TSPAN15: variants seen among roughly 807,000 people sequenced by gnomAD.
TSPAN15 encodes tetraspanin-15.
TSPAN15 carries 20 observed loss-of-function variants against 34.5 expected under a neutral mutation model. The ratio of observed to expected loss-of-function variants is 0.58; its 90% CI spans 0.41 to 0.84. The LOEUF (loss-of-function observed/expected upper bound fraction) is 0.84. Among genes scored for constraint, TSPAN15 ranks in the 40% least tolerant of loss-of-function variants. TSPAN15 has a pLI of 0.00. For synonymous variants in TSPAN15, 155 were observed against 153.9 expected (o/e 1.01, Z -0.05); for missense variants, 313 against 386.1 (o/e 0.81, Z 1.59).
At chr10:69,453,558 T>C (rs1841021072) in intron 1 of TSPAN15, among the ~76,000 whole-genome samples, 1 of 152,204 alleles carries the variant, frequency 6.6e-6, no homozygotes, top group African/African-American at 2.4e-5. Flanking sequence ...AACCAGTCTC[T>C]CTACCTCCTC....
chr10:69,522,265 G>A, the TSPAN15 span, among the ~76,000 whole-genome samples: 1 of 144,430 alleles, frequency 6.9e-6, no homozygotes, highest in Non-Finnish European at 1.5e-5. Context: ...GGAGGCTGAG[G>A]TAGGAGGATC....
intron 5 of TSPAN15, among the ~76,000 whole-genome samples, chr10:69,503,703 A>T (rs941847368): frequency 6.6e-6 from 1 of 151,734 alleles, no homozygotes; most frequent in South Asian, 2.1e-4. Flanking sequence ...GCTGGGGGGG[A>T]CGGTCATGGG....
the TSPAN15 span, among the ~76,000 whole-genome samples, chr10:69,548,150 G>T: frequency 6.6e-6 from 1 of 152,068 alleles, no homozygotes; most frequent in Non-Finnish European, 1.5e-5. Flanking sequence ...TAATCAGAAA[G>T]GGGGGAAAGG....
chr10:69,470,988 C>T (rs1282150963), intron 1 of TSPAN15, among the ~76,000 whole-genome samples: 1 of 152,196 alleles, frequency 6.6e-6, no homozygotes, highest in African/African-American at 2.4e-5. Flanking sequence ...CCCTCCTCTA[C>T]TCCAAGTCTT....
At chr10:69,469,623 A>C (rs2133084603) in intron 1 of TSPAN15, among the ~76,000 whole-genome samples, 1 of 152,324 alleles carries the variant, frequency 6.6e-6, no homozygotes, top group East Asian at 1.9e-4. Flanking sequence ...TTGGTGCAAA[A>C]GTAATTGCAG....
At chr10:69,515,029 A>G in the TSPAN15 span, among the ~76,000 whole-genome samples, 1 of 151,970 alleles carries the variant, frequency 6.6e-6, no homozygotes, top group African/African-American at 2.4e-5. Context: ...ATCACCAGTG[A>G]CCCCTGCATT....
chr10:69,458,281 G>A (rs1159162784), intron 1 of TSPAN15, among the ~76,000 whole-genome samples: 2 of 152,108 alleles, frequency 1.3e-5, no homozygotes, highest in Non-Finnish European at 2.9e-5. Flanking sequence ...TTCGAGAAGA[G>A]CTTTATTATT....
chr10:69,499,114 A>G (rs1285321720), intron 5 of TSPAN15, among the ~76,000 whole-genome samples: 1 of 152,228 alleles, frequency 6.6e-6, no homozygotes, highest in Non-Finnish European at 1.5e-5. Flanking sequence ...TCAGCGCTTA[A>G]GTGAAAGGCT....
chr10:69,514,543 A>G, the TSPAN15 span, among the ~76,000 whole-genome samples: 1 of 152,230 alleles, frequency 6.6e-6, no homozygotes, highest in Admixed American at 6.5e-5. Flanking sequence ...ATATAAGACT[A>G]CTTATTTCTT....
the TSPAN15 span, among the ~76,000 whole-genome samples, chr10:69,540,568 G>C: frequency 3.3e-5 from 5 of 152,312 alleles, no homozygotes; most frequent in African/African-American, 9.6e-5. Context: ...TGGGAGGGTT[G>C]AATGTGGCAA....
At chr10:69,465,453 A>T (rs983330471) in intron 1 of TSPAN15, among the ~76,000 whole-genome samples, 63 of 151,778 alleles carry the variant, frequency 4.2e-4, no homozygotes, top group Non-Finnish European at 1.5e-5. Flanking sequence ...ATTCCCCCAC[A>T]CTCTGTCTAG....
intron 6 of TSPAN15, among the ~76,000 whole-genome samples, chr10:69,504,756 C>T (rs1389899436): frequency 6.6e-6 from 1 of 152,184 alleles, no homozygotes; most frequent in African/African-American, 2.4e-5. Flanking sequence ...ACGGCGCTTC[C>T]TGGTACCCGC....
At position 69,485,234 on chromosome 10, in the gene TSPAN15, G is replaced by GT. The variant is rs1248292306; in HGVS notation, c.357+20dup. The stretch of plus-strand genomic sequence containing the variant: ...GAACCAGGTGGGCCTGTGGATTTGT[G>GT]TATCGGCCATGTGTGTATGGAGCAC... On this transcript the variant is annotated intron_variant, in intron 3 of 7. Transcript: ENST00000373290. 6.2e-7 allele frequency: 1 copy of GT among 1,613,056 alleles called. No individual in the cohort carries two copies. Among genetic ancestry groups the GT allele is most frequent in the Non-Finnish European group, 8.5e-7 (1 of 1,179,170 alleles).
the TSPAN15 span, chr10:69,523,344 G>A: frequency 1.9e-6 from 1 of 534,352 alleles, no homozygotes; most frequent in Admixed American, 3.3e-5. Context: ...AGAGTAGCAG[G>A]CTCCCTCCCA....
chr10:69,494,706 G>A (rs142694329), intron 3 of TSPAN15: 62 of 985,328 alleles, frequency 6.3e-5, no homozygotes, highest in Non-Finnish European at 7.0e-5. Context: ...ACGCTGTGGT[G>A]CCACCCCCGG....
At chr10:69,476,630 A>G (rs1175301794) in intron 1 of TSPAN15, among the ~76,000 whole-genome samples, 1 of 152,086 alleles carries the variant, frequency 6.6e-6, no homozygotes, top group East Asian at 1.9e-4. Context: ...GAGGATTACA[A>G]TTCACCAGGT....
At chr10:69,503,361 G>A (rs1842249513) in intron 5 of TSPAN15, among the ~76,000 whole-genome samples, 1 of 152,202 alleles carries the variant, frequency 6.6e-6, no homozygotes, top group South Asian at 2.1e-4. Flanking sequence ...CAGCATTCTT[G>A]TGCTCCTCCA....
the TSPAN15 span, among the ~76,000 whole-genome samples, chr10:69,532,601 C>G: frequency 6.6e-6 from 1 of 152,154 alleles, no homozygotes; most frequent in South Asian, 2.1e-4. Flanking sequence ...CGGACAAACC[C>G]TTATAGACAT....
At chr10:69,493,470 CTT>C (rs5785919) in intron 3 of TSPAN15, among the ~76,000 whole-genome samples, 1,704 of 118,742 alleles carry the variant, frequency 0.014, 17 homozygotes, top group African/African-American at 0.047. Context: ...AGCCCATCTC[CTT>C]TTTTTTTTTT....
Sources: allele counts gnomAD v4.1 joint callset (sites outside exome capture counted in the v4.1 genomes callset), GRCh38; gene constraint gnomAD v4.1.1; transcripts MANE v1.5; gene names NCBI Gene and HGNC (gene_info 2026-07-23, HGNC 2026-07-21).